Variants in NKAIN2 observed in about 807,000 individuals in gnomAD.
NKAIN2 encodes sodium/potassium-transporting ATPase subunit beta-1-interacting protein 2.
In NKAIN2, 14 loss-of-function variants were observed where a neutral mutation model predicts 32.6. The observed-to-expected ratio is 0.43, with a 90% CI of 0.28 to 0.67. The LOEUF is 0.67. NKAIN2 is among the 30% of genes least tolerant of loss of function. NKAIN2 has a pLI of 0.17. For synonymous variants in NKAIN2, 80 were observed against 87.2 expected, an observed-to-expected ratio of 0.92 and a Z score of 0.46; for missense variants, 198 against 258.3, an observed-to-expected ratio of 0.77 and a Z score of 1.60.
chr6:123,839,206 T>G (rs1774760217), intron 1 of NKAIN2, among the ~76,000 whole-genome samples: 1 of 148,680 alleles, frequency 6.7e-6, no homozygotes, highest in Non-Finnish European at 1.5e-5. Flanking sequence ...GTCATTAAGG[T>G]ACTTCTAAAC....
At chr6:124,742,778 T>C (rs899529130) in intron 4 of NKAIN2, among the ~76,000 whole-genome samples, 30 of 151,698 alleles carry the variant, frequency 2.0e-4, no homozygotes, top group African/African-American at 7.0e-4. Context: ...ATCACGCCCT[T>C]ACCTAGGACA....
chr6:123,953,895 G>A (rs967462817), intron 1 of NKAIN2, among the ~76,000 whole-genome samples: 1 of 152,194 alleles, frequency 6.6e-6, no homozygotes, highest in African/African-American at 2.4e-5. Context: ...TATACAGGTG[G>A]CTAGGGAGTG....
At chr6:124,198,993 C>T (rs1315848590) in intron 1 of NKAIN2, among the ~76,000 whole-genome samples, 3 of 152,080 alleles carry the variant, frequency 2.0e-5, no homozygotes, top group African/African-American at 7.2e-5. Context: ...CTCTTCTTTA[C>T]GTTATTTTAT....
chr6:124,141,789 C>A (rs373955372), intron 1 of NKAIN2, among the ~76,000 whole-genome samples: 2 of 152,248 alleles, frequency 1.3e-5, no homozygotes, highest in African/African-American at 4.8e-5. Context: ...CATTCCCACT[C>A]CAGTCCCCAA....
chr6:124,113,184 C>A (rs1562365301), intron 1 of NKAIN2, among the ~76,000 whole-genome samples: 1 of 152,080 alleles, frequency 6.6e-6, no homozygotes, highest in Non-Finnish European at 1.5e-5. Flanking sequence ...TCAACCTACC[C>A]AGGGATTCTG....
At chr6:124,134,343 C>T (rs1786625475) in intron 1 of NKAIN2, among the ~76,000 whole-genome samples, 1 of 152,130 alleles carries the variant, frequency 6.6e-6, no homozygotes, top group East Asian at 1.9e-4. Context: ...AGACAAAGAA[C>T]AAAGCCTCAA....
At position 124,261,045 on chromosome 6, in the gene NKAIN2, A is replaced by G. The variant is rs779857034; in HGVS notation, c.55-21960A>G. Among the ~76,000 whole-genome samples the G allele has an allele frequency of 2.1e-4, 32 of 152,192 alleles. 1 individual carries two copies. The highest frequency in any genetic ancestry group is 4.6e-4 in the Admixed American group (7 of 15,276). The stretch of plus-strand genomic sequence containing the variant: ...AAATTCTCATTTCAGAAGCTGTGAT[A>G]TAACCTGTAAATGTTAGACTTCAAG... On this transcript the variant is annotated intron_variant, in intron 1 of 6. Transcript: ENST00000368417.
intron 4 of NKAIN2, among the ~76,000 whole-genome samples, chr6:124,683,178 A>G (rs1269820973): frequency 6.6e-6 from 1 of 152,208 alleles, no homozygotes; most frequent in Non-Finnish European, 1.5e-5. Context: ...CCATGAGTAG[A>G]AAGTGTTAAT....
In NKAIN2 at chr6:124,330,716, G is replaced by A. The variant is rs773795260; in HGVS notation, c.193-24551G>A. Among the ~76,000 whole-genome samples the A allele has an allele frequency of 1.5e-4, 23 of 152,300 alleles. No individual in the cohort carries two copies. The South Asian group carries it at 3.3e-3, about 22-fold the overall frequency. On this transcript the variant is annotated intron_variant, in intron 2 of 6. Transcript: ENST00000368417. ...CCTTACAGTAGAGGTCCCCAACCCCGGGGCTATGGACTGGTACTGGTCTGT... is the reference window on the plus strand; with the variant it reads ...CCTTACAGTAGAGGTCCCCAACCCCAGGGCTATGGACTGGTACTGGTCTGT...
At chr6:124,231,747 A>C (rs802306) in intron 1 of NKAIN2, among the ~76,000 whole-genome samples, 1 of 152,084 alleles carries the variant, frequency 6.6e-6, no homozygotes, top group African/African-American at 2.4e-5. Context: ...TGGAACTGTA[A>C]GTTCATTAAA....
At chr6:124,056,786 C>T (rs1022998076) in intron 1 of NKAIN2, among the ~76,000 whole-genome samples, 1 of 151,826 alleles carries the variant, frequency 6.6e-6, no homozygotes, top group Non-Finnish European at 1.5e-5. Flanking sequence ...CTCAAACGGT[C>T]GCACAAGCAG....
In NKAIN2 at chr6:124,268,221, A is replaced by C. The variant is rs111730832; in HGVS notation, c.55-14784A>C. 9.2e-3 allele frequency among the ~76,000 whole-genome samples: 1,405 copies of C among 152,336 alleles called. 28 individuals are homozygous for C. The highest frequency in any genetic ancestry group is 0.03 in the African/African-American group (1,254 of 41,576). ...AGGTGTGCATGAAATTCAACTGATC[A>C]GAGCAGAAGTATGTGTAAGGACTCT... On this transcript the variant is annotated intron_variant, in intron 1 of 6. Coordinates refer to ENST00000368417, the MANE Select transcript of NKAIN2 (RefSeq NM_001040214.3).
chr6:124,653,344 A>C (rs779540737), intron 3 of NKAIN2, among the ~76,000 whole-genome samples: 1 of 151,752 alleles, frequency 6.6e-6, no homozygotes, highest in African/African-American at 2.4e-5. Flanking sequence ...GTCCACCCAC[A>C]CAAATATAGT....
chr6:124,598,723 A>G (rs1323016594), intron 3 of NKAIN2, among the ~76,000 whole-genome samples: 1 of 151,884 alleles, frequency 6.6e-6, no homozygotes, highest in African/African-American at 2.4e-5. Context: ...ACTAAAGCCC[A>G]TAGCACTTAA....
intron 3 of NKAIN2, among the ~76,000 whole-genome samples, chr6:124,447,081 C>T (rs1191663718): frequency 1.3e-5 from 2 of 152,112 alleles, no homozygotes; most frequent in African/African-American, 4.8e-5. Context: ...TCAGCTTCTT[C>T]TACACATTAA....
intron 1 of NKAIN2, among the ~76,000 whole-genome samples, chr6:123,900,532 GTTTTTTTT>G (rs34370743): frequency 5.5e-3 from 178 of 32,646 alleles, no homozygotes; most frequent in African/African-American, 8.5e-3. Context: ...CTCCAGATTA[GTTTTTTTT>G]TTTTTTTTTT....
In NKAIN2 at chr6:123,854,416, T is replaced by C. The variant is rs148769956; in HGVS notation, c.54+50162T>C. Among the ~76,000 whole-genome samples the C allele has an allele frequency of 3.0e-3, 452 of 152,288 alleles. 2 individuals are homozygous for C. The highest frequency in any genetic ancestry group is 0.01 in the African/African-American group (434 of 41,564). On this transcript the variant is annotated intron_variant, in intron 1 of 6. Coordinates refer to ENST00000368417, the MANE Select transcript of NKAIN2 (RefSeq NM_001040214.3). ...AAGTTGTCTGGCTTTATCTTATCTG[T>C]AGAGGAAAAATGTCACCACGATAAT...
chr6:124,622,836 T>G (rs1007814524), intron 3 of NKAIN2, among the ~76,000 whole-genome samples: 8 of 152,300 alleles, frequency 5.3e-5, no homozygotes, highest in African/African-American at 1.9e-4. Flanking sequence ...CGCATCGCTC[T>G]GCTGTTCATC....
At chr6:124,585,137 T>C (rs780689477) in intron 3 of NKAIN2, among the ~76,000 whole-genome samples, 3 of 152,166 alleles carry the variant, frequency 2.0e-5, no homozygotes, top group Non-Finnish European at 2.9e-5. Flanking sequence ...CAAAAAAGAA[T>C]AAGATCCTAT....
Sources: gnomAD v4.1 joint callset for allele counts (sites outside exome capture counted in the v4.1 genomes callset) on GRCh38, gnomAD v4.1.1 for gene constraint, MANE v1.5 for transcripts, NCBI Gene and HGNC (gene_info 2026-07-23, HGNC 2026-07-21) for gene names.